The following NTRK3 variants were observed in gnomAD, a reference collection of about 807,000 sequenced individuals.
The protein encoded by NTRK3 is neurotrophic receptor tyrosine kinase 3, also known as NT-3 growth factor receptor.
NTRK3 carries 24 observed loss-of-function variants against 91.7 expected under a neutral mutation model. The observed-to-expected ratio is 0.26, with a 90% CI of 0.19 to 0.37. The LOEUF (loss-of-function observed/expected upper bound fraction) is 0.37, where lower values mean the gene tolerates loss of function less well. Ranked by LOEUF, NTRK3 falls within the 10% of genes least tolerant of loss-of-function variation. The probability of loss-of-function intolerance (pLI) is 1.00; values close to 1 mark genes in which losing one functional copy is unlikely to be tolerated. For synonymous variants in NTRK3, 483 were observed against 404.0 expected, an observed-to-expected ratio of 1.20 and a Z score of -2.34; for missense variants, 880 against 1,068.9, an observed-to-expected ratio of 0.82 and a Z score of 2.46.
At chr15:88,204,105 C>A (rs537025911) in intron 3 of NTRK3, among the ~76,000 whole-genome samples, 1 of 152,186 alleles carries the variant, frequency 6.6e-6, no homozygotes, top group Non-Finnish European at 1.5e-5. Flanking sequence ...TTGTTCAACT[C>A]CCACTTATGA....
chr15:87,933,426 G>C (rs1482161832), intron 15 of NTRK3, among the ~76,000 whole-genome samples: 1 of 152,242 alleles, frequency 6.6e-6, no homozygotes, highest in African/African-American at 2.4e-5. Flanking sequence ...GCACTCTCCA[G>C]TGATTTCAAG....
intron 13 of NTRK3, among the ~76,000 whole-genome samples, chr15:88,066,299 A>G (rs551364086): frequency 8.8e-4 from 134 of 152,310 alleles, no homozygotes; most frequent in African/African-American, 3.1e-3. Flanking sequence ...GACAGTAGAT[A>G]TCTCTCCCTT....
At chr15:88,123,591 G>A (rs979417502) in intron 13 of NTRK3, among the ~76,000 whole-genome samples, 33 of 152,190 alleles carry the variant, frequency 2.2e-4, no homozygotes, top group Non-Finnish European at 2.5e-4. Context: ...CAGCCCTCAG[G>A]AGATCCTTAG....
intron 13 of NTRK3, among the ~76,000 whole-genome samples, chr15:88,112,337 T>C (rs2051499588): frequency 1.3e-5 from 2 of 152,226 alleles, no homozygotes; most frequent in Admixed American, 6.5e-5. Context: ...AGTATCTTTA[T>C]AACAGTTACC....
intron 14 of NTRK3, among the ~76,000 whole-genome samples, chr15:87,982,772 C>T (rs2074402823): frequency 6.6e-6 from 1 of 152,190 alleles, no homozygotes; most frequent in South Asian, 2.1e-4. Context: ...AAGGTCAGTT[C>T]CCATGGTTTT....
At chr15:88,051,485 G>C (rs1445875828) in intron 13 of NTRK3, among the ~76,000 whole-genome samples, 1 of 152,190 alleles carries the variant, frequency 6.6e-6, no homozygotes, top group African/African-American at 2.4e-5. Context: ...ACTAAGAAAA[G>C]GCAACAGTGT....
chr15:88,030,750 A>G (rs2078458141), intron 14 of NTRK3, among the ~76,000 whole-genome samples: 1 of 152,062 alleles, frequency 6.6e-6, no homozygotes, highest in Non-Finnish European at 1.5e-5. Flanking sequence ...ACAAGGAGAT[A>G]TCTGCCTTCT....
intron 5 of NTRK3, among the ~76,000 whole-genome samples, chr15:88,165,856 AGTGT>A (rs61276149): frequency 4.7e-5 from 7 of 150,478 alleles, no homozygotes; most frequent in African/African-American, 7.3e-5. Context: ...TGTTCACCTG[AGTGT>A]GTGTGTGTGT....
chr15:88,082,240 T>C (rs886764346), intron 13 of NTRK3, among the ~76,000 whole-genome samples: 4 of 146,458 alleles, frequency 2.7e-5, no homozygotes, highest in African/African-American at 5.1e-5. Context: ...ATCGTGCCAC[T>C]GCACTCCAGC....
chr15:88,149,622 ATAAAAGAAGAACTG>A (rs1241677669), intron 5 of NTRK3, among the ~76,000 whole-genome samples: 3 of 152,218 alleles, frequency 2.0e-5, no homozygotes, highest in Admixed American at 2.0e-4. Context: ...GAAAGGTGTG[ATAAAAGAAGAACTG>A]CAGTGATGAC....
intron 13 of NTRK3, among the ~76,000 whole-genome samples, chr15:88,110,696 C>T (rs1004315737): frequency 6.6e-6 from 1 of 152,178 alleles, no homozygotes; most frequent in Admixed American, 6.5e-5. Context: ...GCATGAGGAA[C>T]CTCAGTCTTA....
At chr15:87,876,462 C>T in exon 19 of NTRK3, 1 of 228,532 alleles carries the variant, frequency 4.4e-6, no homozygotes. Flanking sequence ...CTGAGCACCA[C>T]CTTAACTCCT....
At position 88,099,824 on chromosome 15, in the gene NTRK3, G is replaced by A. The variant is rs146003378; in HGVS notation, c.1396+26447C>T. Among the ~76,000 whole-genome samples the A allele has an allele frequency of 5.1e-4, 78 of 152,248 alleles. No individual in the cohort carries two copies. The East Asian group carries it at 0.013, about 25-fold the overall frequency. On this transcript the variant is annotated intron_variant, in intron 13 of 18. Coordinates refer to ENST00000394480, the Ensembl canonical transcript of NTRK3. ...CAAACATTAAAACTGGAAATTGAAC[G>A]CTATGGTGGGGCGGTTCACATAGTT...
chr15:87,996,779 T>C (rs1042070508), intron 14 of NTRK3, among the ~76,000 whole-genome samples: 1 of 152,190 alleles, frequency 6.6e-6, no homozygotes, highest in Non-Finnish European at 1.5e-5. Flanking sequence ...TTCCAAGAAC[T>C]GCGGTATACT....
chr15:88,239,095 A>T (rs531053113), intron 3 of NTRK3, among the ~76,000 whole-genome samples: 1 of 152,342 alleles, frequency 6.6e-6, no homozygotes, highest in South Asian at 2.1e-4. Flanking sequence ...GGAAGTGGAA[A>T]GATAAAATAA....
chr15:88,151,540 G>A (rs1281879963), intron 5 of NTRK3, among the ~76,000 whole-genome samples: 1 of 152,194 alleles, frequency 6.6e-6, no homozygotes, highest in African/African-American at 2.4e-5. Flanking sequence ...CAGGAATAGA[G>A]CCCACAAATG....
intron 3 of NTRK3, among the ~76,000 whole-genome samples, chr15:88,249,927 C>T (rs1817948316): frequency 6.6e-6 from 1 of 152,194 alleles, no homozygotes; most frequent in South Asian, 2.1e-4. Context: ...CCGCCCTTTG[C>T]AAGTCCCTCA....
rs184133619 is a variant in NTRK3 at position 88,027,354 on chromosome 15, T to C, written c.1585+5503A>G. Among the ~76,000 whole-genome samples the C allele has an allele frequency of 3.1e-4, 47 of 152,222 alleles. 1 individual carries two copies. The East Asian group carries it at 7.5e-3, about 24-fold the overall frequency. ...TAAAGAGGCTGTTGATACAAATCAA[T>C]AGTATTTTCCTTTTCCTCTCTGTGA... On this transcript the variant is annotated intron_variant, in intron 14 of 18. Transcript: ENST00000394480.
intron 3 of NTRK3, 74 bp from the exon 4 acceptor site, chr15:88,184,373 C>T (rs2046780321): frequency 1.4e-6 from 2 of 1,421,788 alleles, no homozygotes; most frequent in African/African-American, 1.4e-5. Context: ...CCACAGAGAC[C>T]TGGCTTTGAT....
Sources: gnomAD v4.1 joint callset for allele counts (sites outside exome capture counted in the v4.1 genomes callset) on GRCh38, gnomAD v4.1.1 for gene constraint, MANE v1.5 for transcripts, NCBI Gene and HGNC (gene_info 2026-07-23, HGNC 2026-07-21) for gene names.